The following CLNK variants were observed in gnomAD, a reference collection of about 807,000 sequenced individuals.
CLNK encodes cytokine dependent hematopoietic cell linker, also known as cytokine-dependent hematopoietic cell linker.
Under a neutral mutation model 68.6 loss-of-function variants are expected in CLNK, and 74 were observed. The ratio of observed to expected loss-of-function variants is 1.08; its 90% CI spans 0.89 to 1.31. The LOEUF is 1.31. Ranked by LOEUF, CLNK falls within the 50% of genes most tolerant of loss-of-function variation. The pLI is 0.00. For missense variants in CLNK, 553 were observed against 515.3 expected (o/e 1.07, Z -0.71); for synonymous variants, 198 against 172.2 (o/e 1.15, Z -1.17).
intron 11 of CLNK, among the ~76,000 whole-genome samples, chr4:10,535,106 T>G (rs1030636207): frequency 6.6e-6 from 1 of 151,842 alleles, no homozygotes; most frequent in Non-Finnish European, 1.5e-5. Context: ...TCCAGCACTT[T>G]GAGAGGATAA....
chr4:10,722,772 G>A, the CLNK span, among the ~76,000 whole-genome samples: 4 of 152,202 alleles, frequency 2.6e-5, no homozygotes, highest in Admixed American at 6.5e-5. Flanking sequence ...CTAGACGGCA[G>A]GGCGTGGTGG....
chr4:10,549,279 G>GA (rs1470246708), intron 8 of CLNK, among the ~76,000 whole-genome samples: 1 of 152,232 alleles, frequency 6.6e-6, no homozygotes, highest in South Asian at 2.1e-4. Flanking sequence ...CTTTGCAGGT[G>GA]AAAAAAACTG....
chr4:10,667,434 G>T (rs538758346), intron 2 of CLNK, among the ~76,000 whole-genome samples: 165 of 142,134 alleles, frequency 1.2e-3, no homozygotes, highest in African/African-American at 4.1e-3. Context: ...TTTTAATCAG[G>T]CACAAATTTC....
intron 2 of CLNK, among the ~76,000 whole-genome samples, chr4:10,662,126 T>C (rs1388018031): frequency 6.6e-6 from 1 of 152,192 alleles, no homozygotes; most frequent in African/African-American, 2.4e-5. Flanking sequence ...TTACATAATG[T>C]ATGCAGCATA....
chr4:10,579,411 A>G (rs1219127218), intron 4 of CLNK, among the ~76,000 whole-genome samples: 2 of 152,144 alleles, frequency 1.3e-5, no homozygotes, highest in African/African-American at 4.8e-5. Flanking sequence ...AGAGAGAGAT[A>G]GAGATAGAAA....
intron 2 of CLNK, among the ~76,000 whole-genome samples, chr4:10,641,740 G>A (rs1369580387): frequency 1.3e-5 from 2 of 152,190 alleles, no homozygotes; most frequent in African/African-American, 4.8e-5. Flanking sequence ...GTTTGGCTGT[G>A]TCCCTACCCA....
At chr4:10,579,472 A>G (rs553936119) in intron 4 of CLNK, among the ~76,000 whole-genome samples, 2 of 152,244 alleles carry the variant, frequency 1.3e-5, no homozygotes, top group African/African-American at 2.4e-5. Context: ...ATTTTGGTCA[A>G]TGATGGATCA....
At chr4:10,720,877 G>A in the CLNK span, among the ~76,000 whole-genome samples, 5 of 151,600 alleles carry the variant, frequency 3.3e-5, no homozygotes, top group African/African-American at 1.2e-4. Context: ...ACAAAAATTG[G>A]TACACAAATT....
intron 16 of CLNK, among the ~76,000 whole-genome samples, chr4:10,511,854 A>G (rs1417311606): frequency 6.6e-6 from 1 of 152,216 alleles, no homozygotes; most frequent in Non-Finnish European, 1.5e-5. Flanking sequence ...TCTGCTTTCA[A>G]TTCTTTTGGG....
At chr4:10,528,798 G>A (rs1306709207) in intron 12 of CLNK, among the ~76,000 whole-genome samples, 1 of 152,158 alleles carries the variant, frequency 6.6e-6, no homozygotes, top group African/African-American at 2.4e-5. Flanking sequence ...TAAGGCTACG[G>A]TTAATTTTTT....
rs531344479 is a variant in CLNK at position 10,639,718 on chromosome 4, T to C, written c.11+28141A>G. On this transcript the variant is annotated intron_variant, in intron 2 of 18. Transcript: ENST00000226951. ...TCCTCAGTTGTACTAGTCACATTTT[T>C]AAGTTCTCAGTAGCCACATGTGGCA... is the stretch of plus-strand genomic sequence containing the variant. Among the ~76,000 whole-genome samples, 24 of 152,358 alleles carry C rather than the reference T, an allele frequency of 1.6e-4. No homozygotes were observed. The South Asian group carries it at 3.1e-3, about 20-fold the overall frequency.
chr4:10,504,911 A>G (rs1167015056), intron 17 of CLNK, among the ~76,000 whole-genome samples: 2 of 152,224 alleles, frequency 1.3e-5, no homozygotes, highest in Non-Finnish European at 2.9e-5. Flanking sequence ...TTATTTTCTT[A>G]ATGTTTCTTG....
At chr4:10,508,936 G>A (rs553369755) in intron 16 of CLNK, among the ~76,000 whole-genome samples, 171 of 152,040 alleles carry the variant, frequency 1.1e-3, no homozygotes, top group Middle Eastern at 3.4e-3. Context: ...GTGAAACCCC[G>A]TCTCTACTAA....
the CLNK span, among the ~76,000 whole-genome samples, chr4:10,692,551 T>C: frequency 6.6e-6 from 1 of 152,206 alleles, no homozygotes; most frequent in Non-Finnish European, 1.5e-5. Context: ...AAATATTTTA[T>C]GACAGACTAA....
chr4:10,631,799 G>T (rs1011267224), intron 2 of CLNK, among the ~76,000 whole-genome samples: 3 of 152,214 alleles, frequency 2.0e-5, no homozygotes, highest in African/African-American at 7.2e-5. Context: ...TGACATAGAA[G>T]TTACCTTTAC....
At chr4:10,622,863 T>G (rs532034446) in intron 2 of CLNK, among the ~76,000 whole-genome samples, 1 of 152,296 alleles carries the variant, frequency 6.6e-6, no homozygotes, top group East Asian at 1.9e-4. Flanking sequence ...GAGGGCTCCC[T>G]TCCTGGCTTA....
chr4:10,658,127 C>T (rs1410434798), intron 2 of CLNK, among the ~76,000 whole-genome samples: 4 of 152,172 alleles, frequency 2.6e-5, no homozygotes, highest in African/African-American at 9.7e-5. Context: ...AGGATTTGCT[C>T]CAAGTAGAAT....
intron 10 of CLNK, among the ~76,000 whole-genome samples, chr4:10,541,582 T>C (rs1719027543): frequency 7.0e-6 from 1 of 142,454 alleles, no homozygotes; most frequent in Non-Finnish European, 1.6e-5. Context: ...TATTTATATA[T>C]GTGTCATATA....
intron 15 of CLNK, among the ~76,000 whole-genome samples, chr4:10,516,782 C>T (rs1049717669): frequency 8.5e-5 from 13 of 152,138 alleles, no homozygotes; most frequent in African/African-American, 2.9e-4. Context: ...AACTTCTGAT[C>T]TCAGGCGATC....
Sources: allele counts gnomAD v4.1 joint callset (sites outside exome capture counted in the v4.1 genomes callset), GRCh38; gene constraint gnomAD v4.1.1; transcripts MANE v1.5; gene names NCBI Gene and HGNC (gene_info 2026-07-23, HGNC 2026-07-21).